Variants in GYPE observed in about 807,000 individuals in gnomAD.
GYPE encodes glycophorin-E.
GYPE carries 8 observed loss-of-function variants against 11.6 expected under a neutral mutation model. The observed-to-expected ratio is 0.69, with a 90% CI of 0.41 to 1.25. GYPE has a LOEUF of 1.25. GYPE is among the 50% of genes most tolerant of loss of function. The pLI is 0.01. For synonymous variants in GYPE, 28 were observed against 29.6 expected, an observed-to-expected ratio of 0.94 and a Z score of 0.18; for missense variants, 90 against 92.8, an observed-to-expected ratio of 0.97 and a Z score of 0.12.
chr4:143,895,485 C>G (rs1244430060), intron 1 of GYPE, among the ~76,000 whole-genome samples: 1 of 149,578 alleles, frequency 6.7e-6, no homozygotes, highest in African/African-American at 2.5e-5. Context: ...AACTACAAAC[C>G]ACTGCTCAAT....
intron 1 of GYPE, among the ~76,000 whole-genome samples, chr4:143,897,888 C>G (rs1744715481): frequency 6.6e-6 from 1 of 151,982 alleles, no homozygotes; most frequent in Admixed American, 6.6e-5. Flanking sequence ...TTCAAGTAGG[C>G]TATATACTTT....
intron 3 of GYPE, among the ~76,000 whole-genome samples, 159 bp from the exon 4 acceptor site, chr4:143,872,411 C>G (rs1399801038): frequency 2.0e-5 from 3 of 151,848 alleles, no homozygotes; most frequent in Non-Finnish European, 4.4e-5. Context: ...GCAGTATAAG[C>G]AAATTTAAAA....
Position 143,871,080 on chromosome 4 carries a change from G to A in GYPE, c.*1182C>T, listed in dbSNP as rs1743605443. 2 of 149,016 alleles carry A rather than the reference G, an allele frequency of 1.3e-5. No individual in the cohort carries two copies. Among genetic ancestry groups the A allele is most frequent in the Non-Finnish European group, 2.9e-5 (2 of 67,990 alleles). The allele number at this position is 149,016 out of a possible 1,614,324, so 9.2% of individuals were successfully genotyped here. A position where few individuals can be genotyped will look rare whatever the true frequency, so the allele number is the denominator to read the frequency against. On this transcript the variant is annotated 3_prime_UTR_variant, in exon 4 of 4. Transcript: ENST00000358615. The stretch of plus-strand genomic sequence containing the variant: ...CTCACTATCATGAGAATAGCACAGG[G>A]GAAACCACCGCAATGATTCAAGTAC...
In GYPE at chr4:143,871,171, G is replaced by T. The variant is rs1743608270; in HGVS notation, c.*1091C>A. On this transcript the variant is annotated 3_prime_UTR_variant, in exon 4 of 4. Transcript: ENST00000358615. Reference sequence around the variant, plus strand: ...AACTACAATTCAAGATGAGATTTGAGTGGGAACACAGCCAAACCATATCAG... The same window carrying T: ...AACTACAATTCAAGATGAGATTTGATTGGGAACACAGCCAAACCATATCAG... 2 of 151,792 alleles carry T rather than the reference G, an allele frequency of 1.3e-5. No homozygotes were observed. The highest frequency in any genetic ancestry group is 2.9e-5 in the Non-Finnish European group (2 of 68,048). 9.4% of individuals were successfully genotyped at this position (151,792 alleles called of 1,614,324 possible). A position where few individuals can be genotyped will look rare whatever the true frequency, so the allele number is the denominator to read the frequency against.
intron 1 of GYPE, among the ~76,000 whole-genome samples, chr4:143,883,395 T>C (rs947925871): frequency 6.6e-6 from 1 of 151,684 alleles, no homozygotes; most frequent in African/African-American, 2.4e-5. Flanking sequence ...TCTCAGTTAT[T>C]TCTATATAGC....
chr4:143,892,856 G>A (rs999254632), intron 1 of GYPE, among the ~76,000 whole-genome samples: 1 of 150,040 alleles, frequency 6.7e-6, no homozygotes, highest in Non-Finnish European at 1.5e-5. Context: ...TTCAATTCCT[G>A]GGTATCCTTG....
intron 1 of GYPE, among the ~76,000 whole-genome samples, chr4:143,882,124 G>T (rs1225879699): frequency 1.3e-5 from 2 of 151,942 alleles, no homozygotes; most frequent in Non-Finnish European, 2.9e-5. Context: ...CTTTAACTTG[G>T]CCTGCCACCT....
At chr4:143,874,319 G>T (rs954997388) in intron 3 of GYPE, among the ~76,000 whole-genome samples, 2 of 151,616 alleles carry the variant, frequency 1.3e-5, no homozygotes, top group African/African-American at 4.9e-5. Context: ...CCCACAGAAA[G>T]AACTTTTAAT....
rs576474730 is a variant in GYPE, at chr4:143,875,406, T to C, written c.*9+1340A>G. Reference sequence around the variant, plus strand: ...GTTAGGATAGCCAAGGGTTGGGGCATAAGCAAAGGAATAGCAGGTGCAGCC... The same window carrying C: ...GTTAGGATAGCCAAGGGTTGGGGCACAAGCAAAGGAATAGCAGGTGCAGCC... On this transcript the variant is annotated intron_variant, in intron 3 of 3. Transcript: ENST00000358615. 5.0e-5 allele frequency: 76 copies of C among 1,520,028 alleles called. No homozygotes were observed. In the East Asian group the frequency reaches 1.6e-3, roughly 33 times the overall value. The allele number at this position is 1,520,028 out of a possible 1,614,324, so 94.2% of individuals were successfully genotyped here.
chr4:143,881,256 A>G (rs1744012376), intron 1 of GYPE, among the ~76,000 whole-genome samples: 1 of 151,916 alleles, frequency 6.6e-6, no homozygotes, highest in Non-Finnish European at 1.5e-5. Flanking sequence ...ATCCTTTTAA[A>G]ATCTCATTAA....
At chr4:143,878,686 C>T (rs760225244) in intron 2 of GYPE, 15 of 492,318 alleles carry the variant, frequency 3.0e-5, no homozygotes, top group East Asian at 6.0e-5. Flanking sequence ...TCCTATAAAG[C>T]GAAATTTCAA....
chr4:143,898,382 T>G (rs1744741714), intron 1 of GYPE, among the ~76,000 whole-genome samples: 1 of 152,084 alleles, frequency 6.6e-6, no homozygotes, highest in South Asian at 2.1e-4. Flanking sequence ...ATCTTCAAAA[T>G]AAATCAATAA....
intron 1 of GYPE, among the ~76,000 whole-genome samples, chr4:143,894,012 T>G (rs1733693303): frequency 6.6e-6 from 1 of 152,178 alleles, no homozygotes; most frequent in African/African-American, 2.4e-5. Flanking sequence ...TTCATTTCTT[T>G]TTATTCTTTT....
chr4:143,880,060 G>A (rs1483703676), intron 2 of GYPE, among the ~76,000 whole-genome samples: 1 of 152,188 alleles, frequency 6.6e-6, no homozygotes, highest in African/African-American at 2.4e-5. Context: ...TCAGCAGCTG[G>A]CATAGAGCTG....
chr4:143,890,601 C>T (rs887908114), intron 1 of GYPE, among the ~76,000 whole-genome samples: 7 of 152,134 alleles, frequency 4.6e-5, no homozygotes, highest in South Asian at 2.1e-4. Flanking sequence ...CGGCCAGCGG[C>T]GAAAACAACT....
chr4:143,886,353 C>A (rs185211321), intron 1 of GYPE, among the ~76,000 whole-genome samples: 130,502 of 143,478 alleles, frequency 0.91, 59,911 homozygotes, highest in East Asian at 1. Context: ...AAGGAGAAAC[C>A]AAAGAAACAT....
chr4:143,881,190 C>CAA lies in GYPE; in HGVS notation c.38-683_38-682dup, dbSNP rs35536556. On this transcript the variant is annotated intron_variant, in intron 1 of 3. Transcript: ENST00000358615. ...TGGGTGACAGAACGAGACTCCGTCT[C>CAA]AAAAAAAAAAAAAACCACGCACGCA... 5.7e-5 allele frequency among the ~76,000 whole-genome samples: 6 copies of CAA among 104,716 alleles called. No homozygotes were observed. The East Asian group carries it at 9.5e-4, about 17-fold the overall frequency. 68.7% of individuals were successfully genotyped at this position (104,716 alleles called of 152,430 possible).
chr4:143,880,492 C>T lies in GYPE; in HGVS notation c.55G>A (p.Ala19Thr). ...LLLSGIVSIS[A>T]SSTTGVAMHT... ...ATTGCCACACCAGTGGTACTTGATG[C>T]TGATATGCTCACAATTCCTGTATAA... The change falls in exon 2 of 4, where the codon GCA (alanine) becomes ACA (threonine). Residue 19 changes from alanine to threonine, a missense_variant. Ala to Thr is a moderately conservative substitution (Grantham distance 58, BLOSUM62 0). Transcript: ENST00000358615. The T allele has an allele frequency of 6.2e-7, 1 of 1,613,982 alleles. No homozygotes were observed. Among genetic ancestry groups the T allele is most frequent in the Non-Finnish European group, 8.5e-7 (1 of 1,179,850 alleles).
chr4:143,872,877 G>A (rs1212603104), intron 3 of GYPE, among the ~76,000 whole-genome samples: 1 of 61,710 alleles, frequency 1.6e-5, no homozygotes, highest in African/African-American at 1.7e-4. Context: ...GAGAGTGGGA[G>A]AGGGTTGAAG....
Sources: gnomAD v4.1 joint callset for allele counts (sites outside exome capture counted in the v4.1 genomes callset) on GRCh38, gnomAD v4.1.1 for gene constraint, MANE v1.5 for transcripts, NCBI Gene and HGNC (gene_info 2026-07-23, HGNC 2026-07-21) for gene names.